Variants in PEPD observed in about 807,000 individuals in gnomAD.
The protein encoded by PEPD is xaa-Pro dipeptidase.
PEPD carries 53 observed loss-of-function variants against 60.7 expected under a neutral mutation model. The ratio of observed to expected loss-of-function variants is 0.87; its 90% CI spans 0.70 to 1.10. The LOEUF is 1.10. Ranked by LOEUF, PEPD falls within the 50% of genes least tolerant of loss-of-function variation. PEPD has a pLI of 0.00. For missense variants in PEPD, 711 were observed against 711.9 expected, an observed-to-expected ratio of 1.00 and a Z score of 0.01; for synonymous variants, 267 against 284.1, an observed-to-expected ratio of 0.94 and a Z score of 0.60.
chr19:33,390,902 C>T (rs907023589), intron 13 of PEPD, among the ~76,000 whole-genome samples: 11 of 152,140 alleles, frequency 7.2e-5, no homozygotes, highest in Non-Finnish European at 1.6e-4. Context: ...ACTCCCCACG[C>T]CCCAGGTCTG....
At chr19:33,474,176 T>G (rs1046903314) in intron 7 of PEPD, among the ~76,000 whole-genome samples, 1 of 152,100 alleles carries the variant, frequency 6.6e-6, no homozygotes, top group South Asian at 2.1e-4. Context: ...GTACGTTCAG[T>G]GGGACCAGCA....
Position 33,387,222 on chromosome 19 carries a change from C to T in PEPD, c.*122G>A, listed in dbSNP as rs999647056. On this transcript the variant is annotated 3_prime_UTR_variant, in exon 15 of 15. Coordinates refer to ENST00000244137, the MANE Select transcript of PEPD (RefSeq NM_000285.4). ...AGCACTGTTTGGTCTGATCAAATGC[C>T]GAAGCTGGGATCTGATTCTGGGTGC... 1.3e-5 allele frequency: 16 copies of T among 1,210,134 alleles called. No homozygotes were observed. The highest frequency in any genetic ancestry group is 2.7e-4 in the Middle Eastern group (1 of 3,638). 75.0% of individuals were successfully genotyped at this position (1,210,134 alleles called of 1,614,324 possible). A position where few individuals can be genotyped will look rare whatever the true frequency, so the allele number is the denominator to read the frequency against.
chr19:33,495,833 A>C (rs1324487458), intron 4 of PEPD, among the ~76,000 whole-genome samples: 2 of 151,994 alleles, frequency 1.3e-5, no homozygotes, highest in Non-Finnish European at 2.9e-5. Flanking sequence ...TAAAAATACA[A>C]AAAAATTAGC....
intron 1 of PEPD, among the ~76,000 whole-genome samples, chr19:33,516,752 G>A (rs1600180378): frequency 1.3e-5 from 2 of 151,946 alleles, no homozygotes; most frequent in East Asian, 1.9e-4. Flanking sequence ...CCTCCAATTC[G>A]AATTTACATT....
chr19:33,453,018 C>T (rs541554597), intron 9 of PEPD, among the ~76,000 whole-genome samples: 54 of 152,254 alleles, frequency 3.5e-4, no homozygotes, highest in African/African-American at 1.3e-3. Flanking sequence ...GTATAAAATG[C>T]TAGTGAAAAA....
intron 11 of PEPD, among the ~76,000 whole-genome samples, chr19:33,405,380 T>C (rs1600088681): frequency 1.3e-5 from 2 of 152,260 alleles, no homozygotes; most frequent in African/African-American, 4.8e-5. Context: ...TTGAATCTCC[T>C]GAGTAGTGGC....
At chr19:33,480,321 C>T (rs144724115) in intron 6 of PEPD, among the ~76,000 whole-genome samples, 32 of 152,184 alleles carry the variant, frequency 2.1e-4, no homozygotes, top group African/African-American at 6.7e-4. Context: ...CATTTTATAA[C>T]GATAATTAGG....
chr19:33,453,819 T>C (rs1306229783), intron 9 of PEPD, among the ~76,000 whole-genome samples: 3 of 152,218 alleles, frequency 2.0e-5, no homozygotes, highest in East Asian at 1.9e-4. Flanking sequence ...GTGTTATCAA[T>C]GTGCCCAAGC....
chr19:33,406,325 C>T (rs960804283), intron 11 of PEPD, among the ~76,000 whole-genome samples: 4 of 152,208 alleles, frequency 2.6e-5, no homozygotes, highest in African/African-American at 4.8e-5. Context: ...AAACCGAAAA[C>T]GCGTGGGCAG....
intron 7 of PEPD, among the ~76,000 whole-genome samples, chr19:33,473,914 CAAT>C (rs1970170942): frequency 6.6e-6 from 1 of 152,130 alleles, no homozygotes; most frequent in South Asian, 2.1e-4. Flanking sequence ...GAATGGAAAA[CAAT>C]AAAACAGTCA....
intron 8 of PEPD, 31 bp from the exon 9 acceptor site, chr19:33,463,072 G>T: frequency 7.4e-7 from 1 of 1,348,702 alleles, no homozygotes; most frequent in South Asian, 1.2e-5. Flanking sequence ...AAAGACATTT[G>T]TATTAAGCAG....
rs185783656 is a variant in PEPD at position 33,493,078 on chromosome 19, T to C, written c.441+212A>G. ...TTGTTGTAAAGACAGGGTCTTGCCATGTTGCCCAGGCTGGCCTGGAACTCC... is the reference window on the plus strand; with the variant it reads ...TTGTTGTAAAGACAGGGTCTTGCCACGTTGCCCAGGCTGGCCTGGAACTCC... On this transcript the variant is annotated intron_variant, in intron 5 of 14. Coordinates refer to ENST00000244137, the MANE Select transcript of PEPD (RefSeq NM_000285.4). Among the ~76,000 whole-genome samples the C allele has an allele frequency of 2.2e-3, 331 of 152,322 alleles. 2 individuals are homozygous for C. The highest frequency in any genetic ancestry group is 3.4e-3 in the Non-Finnish European group (230 of 68,028).
intron 9 of PEPD, among the ~76,000 whole-genome samples, chr19:33,438,752 G>A (rs1366979526): frequency 1.3e-5 from 2 of 152,230 alleles, no homozygotes; most frequent in Admixed American, 6.5e-5. Context: ...GTCTCATTCT[G>A]TCGCCCAGGC....
At chr19:33,515,624 C>T (rs1222368834) in intron 1 of PEPD, among the ~76,000 whole-genome samples, 2 of 151,974 alleles carry the variant, frequency 1.3e-5, no homozygotes, top group Non-Finnish European at 2.9e-5. Flanking sequence ...AGGCAAAACT[C>T]GTCTCTGCAG....
chr19:33,502,603 A>C (rs1473741128), intron 3 of PEPD, among the ~76,000 whole-genome samples: 1 of 152,066 alleles, frequency 6.6e-6, no homozygotes, highest in Non-Finnish European at 1.5e-5. Flanking sequence ...GCAACTTTGT[A>C]ACTTCACTTT....
In PEPD at chr19:33,494,350, T is replaced by A. The variant is rs975657905; in HGVS notation, c.394-1013A>T. On this transcript the variant is annotated intron_variant, in intron 4 of 14. Coordinates refer to ENST00000244137, the MANE Select transcript of PEPD (RefSeq NM_000285.4). Reference sequence around the variant, plus strand: ...CTTGATTGAGTGATCACTGACATACTCTATGCTGCCTGTATTTAACATAGA... The same window carrying A: ...CTTGATTGAGTGATCACTGACATACACTATGCTGCCTGTATTTAACATAGA... Among the ~76,000 whole-genome samples the A allele has an allele frequency of 2.6e-5, 4 of 152,236 alleles. No individual in the cohort carries two copies. The South Asian group carries it at 6.2e-4, about 24-fold the overall frequency.
intron 9 of PEPD, among the ~76,000 whole-genome samples, chr19:33,440,868 G>A (rs981455850): frequency 4.6e-5 from 7 of 152,158 alleles, no homozygotes; most frequent in East Asian, 3.9e-4. Context: ...TGTGTAATCC[G>A]GTGAGGGGCA....
chr19:33,491,226 G>T (rs1970493627), intron 5 of PEPD, among the ~76,000 whole-genome samples: 2 of 151,990 alleles, frequency 1.3e-5, no homozygotes, highest in African/African-American at 4.8e-5. Flanking sequence ...AGGCCGAGGT[G>T]GGCAGATCAC....
At chr19:33,518,350 G>A (rs1043340646) in intron 1 of PEPD, among the ~76,000 whole-genome samples, 2 of 152,116 alleles carry the variant, frequency 1.3e-5, no homozygotes, top group African/African-American at 4.8e-5. Flanking sequence ...GCCCCCAGTC[G>A]GCCTGAGTCT....
Sources: allele counts gnomAD v4.1 joint callset (sites outside exome capture counted in the v4.1 genomes callset), GRCh38; gene constraint gnomAD v4.1.1; transcripts MANE v1.5; gene names NCBI Gene and HGNC (gene_info 2026-07-23, HGNC 2026-07-21).